STK32B: variants seen among roughly 807,000 people sequenced by gnomAD.
STK32B encodes serine/threonine kinase 32B.
In STK32B, 43 loss-of-function variants were observed where a neutral mutation model predicts 52.6. The ratio of observed to expected loss-of-function variants is 0.82; its 90% CI spans 0.64 to 1.05. STK32B has a LOEUF of 1.05. Ranked by LOEUF, STK32B falls within the 50% of genes least tolerant of loss-of-function variation. The probability of loss-of-function intolerance (pLI) is 0.00; values close to 1 mark genes in which losing one functional copy is unlikely to be tolerated. For missense variants in STK32B, 621 were observed against 534.6 expected, an observed-to-expected ratio of 1.16 and a Z score of -1.59; for synonymous variants, 238 against 204.3, an observed-to-expected ratio of 1.17 and a Z score of -1.41.
rs1375011758 is a variant in STK32B, at chr4:5,262,111, ATGTTTGTCCACTCTCTC to A, written c.261-69104_261-69088del. Reference sequence around the variant, plus strand: ...CTTTGCTGCTAACAGTTTCCTCCCCATGTTTGTCCACTCTCTCTGTTGGCAGACACAAGTCTAATTAA... The same window carrying A: ...CTTTGCTGCTAACAGTTTCCTCCCCATGTTGGCAGACACAAGTCTAATTAA... On this transcript the variant is annotated intron_variant, in intron 3 of 11. Transcript: ENST00000282908. 2.6e-5 allele frequency among the ~76,000 whole-genome samples: 4 copies of A among 151,768 alleles called. No individual in the cohort carries two copies. In the East Asian group the frequency reaches 7.7e-4, roughly 29 times the overall value.
chr4:5,256,037 G>T (rs1189903036), intron 3 of STK32B, among the ~76,000 whole-genome samples: 1 of 152,130 alleles, frequency 6.6e-6, no homozygotes, highest in East Asian at 1.9e-4. Flanking sequence ...AATCTAAATG[G>T]TTACTTTGGT....
chr4:5,494,423 G>A (rs1009443799), intron 11 of STK32B, among the ~76,000 whole-genome samples: 1 of 151,168 alleles, frequency 6.6e-6, no homozygotes, highest in African/African-American at 2.5e-5. Context: ...TTTTCCATTT[G>A]CTTGGTAGAT....
chr4:5,308,842 C>G (rs1730100172), intron 3 of STK32B, among the ~76,000 whole-genome samples: 1 of 152,064 alleles, frequency 6.6e-6, no homozygotes, highest in Non-Finnish European at 1.5e-5. Flanking sequence ...TGGAACCAGA[C>G]AAGGATGCCC....
At chr4:5,174,387 T>G (rs1284306095) in intron 3 of STK32B, among the ~76,000 whole-genome samples, 1 of 152,240 alleles carries the variant, frequency 6.6e-6, no homozygotes, top group Non-Finnish European at 1.5e-5. Context: ...ATGCAGTTTC[T>G]TCCTAGCCTC....
At chr4:5,431,710 T>G (rs1005026974) in intron 6 of STK32B, among the ~76,000 whole-genome samples, 15 of 152,198 alleles carry the variant, frequency 9.9e-5, no homozygotes, top group Non-Finnish European at 4.4e-5. Context: ...TTGCATACTT[T>G]AGTGAAATGA....
At chr4:5,173,026 AT>A (rs1719520112) in intron 3 of STK32B, among the ~76,000 whole-genome samples, 1 of 152,016 alleles carries the variant, frequency 6.6e-6, no homozygotes, top group Non-Finnish European at 1.5e-5. Context: ...ATTCTTCTTG[AT>A]TTAGTCTTGG....
At chr4:5,415,615 A>C (rs1712095838) in intron 5 of STK32B, among the ~76,000 whole-genome samples, 1 of 152,194 alleles carries the variant, frequency 6.6e-6, no homozygotes, top group African/African-American at 2.4e-5. Context: ...GGGTGACTTC[A>C]GCTTCATCCA....
intron 1 of STK32B, among the ~76,000 whole-genome samples, chr4:5,124,688 G>A (rs1313047920): frequency 1.3e-5 from 2 of 152,210 alleles, no homozygotes; most frequent in African/African-American, 2.4e-5. Flanking sequence ...GTGTATGTGT[G>A]CACACATGTG....
chr4:5,480,054 C>G (rs1718559565), intron 11 of STK32B, among the ~76,000 whole-genome samples: 1 of 152,120 alleles, frequency 6.6e-6, no homozygotes, highest in Admixed American at 6.6e-5. Flanking sequence ...GAACAAATGG[C>G]ACACATGTTA....
chr4:5,169,541 C>T (rs1719170370), intron 3 of STK32B, among the ~76,000 whole-genome samples: 1 of 152,076 alleles, frequency 6.6e-6, no homozygotes, highest in African/African-American at 2.4e-5. Flanking sequence ...AAGAGGAACA[C>T]AGATTGTCCC....
intron 7 of STK32B, chr4:5,446,993 G>A: frequency 7.9e-6 from 4 of 507,606 alleles, no homozygotes; most frequent in South Asian, 6.8e-5. Flanking sequence ...GAGGCATTCA[G>A]TGGGGGAGGG....
At chr4:5,029,176 C>T in the STK32B span, among the ~76,000 whole-genome samples, 32 of 152,166 alleles carry the variant, frequency 2.1e-4, no homozygotes, top group African/African-American at 7.5e-4. Flanking sequence ...ATATCATCCC[C>T]AATGACCCTT....
At chr4:5,034,954 T>C in the STK32B span, among the ~76,000 whole-genome samples, 7 of 152,206 alleles carry the variant, frequency 4.6e-5, no homozygotes, top group Non-Finnish European at 8.8e-5. Context: ...CTTTGAATGG[T>C]GCTAACAATG....
chr4:5,122,939 C>G (rs1715150099), intron 1 of STK32B, among the ~76,000 whole-genome samples: 1 of 152,158 alleles, frequency 6.6e-6, no homozygotes, highest in South Asian at 2.1e-4. Context: ...CAGCCCCTGC[C>G]TTGACTCTCT....
intron 4 of STK32B, among the ~76,000 whole-genome samples, chr4:5,374,966 T>C (rs965990853): frequency 1.3e-5 from 2 of 152,142 alleles, no homozygotes; most frequent in Non-Finnish European, 1.5e-5. Context: ...TAGAGTCCAA[T>C]TGAGACTCCT....
Position 5,463,341 on chromosome 4 carries a change from C to G in STK32B, c.909+3113C>G, listed in dbSNP as rs527976087. On this transcript the variant is annotated intron_variant, in intron 9 of 11. Coordinates refer to ENST00000282908, the MANE Select transcript of STK32B (RefSeq NM_018401.3). ...TGTGCTGGGATGCCCTGGGGGGCATCTGGGGTCAGCCTGTGGCTTTGCCAT... is the reference window on the plus strand; with the variant it reads ...TGTGCTGGGATGCCCTGGGGGGCATGTGGGGTCAGCCTGTGGCTTTGCCAT... Among the ~76,000 whole-genome samples, 17 of 152,316 alleles carry G rather than the reference C, an allele frequency of 1.1e-4. No homozygotes were observed. In the South Asian group the frequency reaches 3.3e-3, roughly 30 times the overall value.
chr4:5,444,308 C>T (rs1324262632), intron 6 of STK32B, among the ~76,000 whole-genome samples: 2 of 152,200 alleles, frequency 1.3e-5, no homozygotes, highest in African/African-American at 4.8e-5. Flanking sequence ...TTGTGGTGCA[C>T]CGTTTTTTAA....
intron 1 of STK32B, among the ~76,000 whole-genome samples, chr4:5,109,927 A>T (rs977521340): frequency 6.6e-6 from 1 of 152,198 alleles, no homozygotes; most frequent in Non-Finnish European, 1.5e-5. Context: ...GTCTCAGGAT[A>T]CAAAATTAAT....
At chr4:5,483,740 C>A (rs1038576230) in intron 11 of STK32B, among the ~76,000 whole-genome samples, 2 of 151,968 alleles carry the variant, frequency 1.3e-5, no homozygotes, top group Non-Finnish European at 2.9e-5. Flanking sequence ...TATGAACTTC[C>A]CTCTACACAC....
Sources: allele counts gnomAD v4.1 joint callset (sites outside exome capture counted in the v4.1 genomes callset), GRCh38; gene constraint gnomAD v4.1.1; transcripts MANE v1.5; gene names NCBI Gene and HGNC (gene_info 2026-07-23, HGNC 2026-07-21).